The following PCCA variants were observed in gnomAD, a reference collection of about 807,000 sequenced individuals.
The protein encoded by PCCA is propionyl-CoA carboxylase subunit alpha.
A neutral mutation model predicts 101.3 loss-of-function variants in PCCA; 74 were observed. The observed-to-expected ratio is 0.73, with a 90% confidence interval of 0.61 to 0.89. PCCA has a LOEUF of 0.89. PCCA is among the 40% of genes least tolerant of loss of function. The pLI is 0.00. For synonymous variants in PCCA, 294 were observed against 313.6 expected, an observed-to-expected ratio of 0.94 and a Z score of 0.66; for missense variants, 891 against 907.0, an observed-to-expected ratio of 0.98 and a Z score of 0.23.
At chr13:100,295,359 T>A (rs1287476559) in intron 12 of PCCA, among the ~76,000 whole-genome samples, 1 of 152,204 alleles carries the variant, frequency 6.6e-6, no homozygotes, top group Non-Finnish European at 1.5e-5. Context: ...TTTCAGTGGG[T>A]AATCATACTA....
chr13:100,190,752 A>G (rs1271896079), intron 6 of PCCA, among the ~76,000 whole-genome samples: 1 of 152,070 alleles, frequency 6.6e-6, no homozygotes, highest in South Asian at 2.1e-4. Flanking sequence ...GCTTGAGCCT[A>G]GGAGTTTGGG....
chr13:100,121,997 A>C (rs1301084890), intron 4 of PCCA, among the ~76,000 whole-genome samples: 1 of 152,140 alleles, frequency 6.6e-6, no homozygotes, highest in African/African-American at 2.4e-5. Flanking sequence ...ATTTTCATAG[A>C]CTTTCATTAT....
chr13:100,150,779 G>C lies in PCCA; in HGVS notation c.301-4200G>C, dbSNP rs557153236. ...TCTCAAAGCCCCACAGTGGCGTCCA[G>C]CTTGCTCCTCTGCAACGGACTGAAG... On this transcript the variant is annotated intron_variant, in intron 4 of 23. Coordinates refer to ENST00000376285, the MANE Select transcript of PCCA (RefSeq NM_000282.4). 4.4e-6 allele frequency: 7 copies of C among 1,587,106 alleles called. No homozygotes were observed. In the East Asian group the frequency reaches 1.3e-4, roughly 30 times the overall value.
At chr13:100,159,559 G>A (rs1474339890) in intron 6 of PCCA, among the ~76,000 whole-genome samples, 1 of 152,008 alleles carries the variant, frequency 6.6e-6, no homozygotes, top group Non-Finnish European at 1.5e-5. Context: ...TTCACTTCAG[G>A]GAAGAAAATA....
chr13:100,133,738 G>A lies in PCCA; in HGVS notation c.301-21241G>A, dbSNP rs1345501088. 3.9e-5 allele frequency among the ~76,000 whole-genome samples: 6 copies of A among 152,274 alleles called. No homozygotes were observed. The East Asian group carries it at 1.2e-3, about 29-fold the overall frequency. On this transcript the variant is annotated intron_variant, in intron 4 of 23. Coordinates refer to ENST00000376285, the MANE Select transcript of PCCA (RefSeq NM_000282.4). ...TGCAAGGGTGTTACCAAAGGAGGTT[G>A]ACATTTGAGTCAGTGGACTGAGAGA...
At chr13:100,514,079 C>T (rs1221266698) in intron 21 of PCCA, among the ~76,000 whole-genome samples, 1 of 152,208 alleles carries the variant, frequency 6.6e-6, no homozygotes, top group African/African-American at 2.4e-5. Flanking sequence ...TCCCTCACCA[C>T]TTATGACTCA....
intron 19 of PCCA, among the ~76,000 whole-genome samples, chr13:100,421,514 T>C (rs17492046): frequency 0.11 from 16,263 of 152,192 alleles, 1,161 homozygotes; most frequent in Middle Eastern, 0.19. Context: ...CTACAGAATA[T>C]GTATTTATTT....
intron 14 of PCCA, 71 bp downstream of exon 14, chr13:100,303,069 C>A: frequency 1.2e-6 from 1 of 868,790 alleles, no homozygotes; most frequent in Non-Finnish European, 2.0e-6. Flanking sequence ...TATGTTAAAG[C>A]ATGTCAACAC....
chr13:100,385,325 T>C (rs1334198475), intron 19 of PCCA, among the ~76,000 whole-genome samples: 2 of 152,324 alleles, frequency 1.3e-5, no homozygotes, highest in South Asian at 2.1e-4. Flanking sequence ...CTGTCGTAAG[T>C]GAAGCCAACA....
At chr13:100,187,394 T>G (rs1555371602) in intron 6 of PCCA, among the ~76,000 whole-genome samples, 1 of 152,168 alleles carries the variant, frequency 6.6e-6, no homozygotes, top group Non-Finnish European at 1.5e-5. Context: ...GAGAGGTTTT[T>G]GGGCAGATAT....
At chr13:100,263,996 CTG>C (rs2062729154) in intron 10 of PCCA, among the ~76,000 whole-genome samples, 1 of 148,846 alleles carries the variant, frequency 6.7e-6, no homozygotes, top group Non-Finnish European at 1.5e-5. Flanking sequence ...TATACGGTAT[CTG>C]TATATCGTAT....
Position 100,504,050 on chromosome 13 carries a change from G to A in PCCA, c.1900-11377G>A, listed in dbSNP as rs114605566. On this transcript the variant is annotated intron_variant, in intron 21 of 23. Coordinates refer to ENST00000376285, the MANE Select transcript of PCCA (RefSeq NM_000282.4). ...CGAAGGGGAGTGGGATTAGATGTGA[G>A]AGGGTGGATTAGTAAATTGTTTTAC... Among the ~76,000 whole-genome samples, 1,048 of 152,354 alleles carry A rather than the reference G, an allele frequency of 6.9e-3. 14 individuals are homozygous for A. The highest frequency in any genetic ancestry group is 0.024 in the African/African-American group (1,008 of 41,582).
chr13:100,455,592 AC>A (rs1273103729), intron 21 of PCCA, among the ~76,000 whole-genome samples: 1 of 152,094 alleles, frequency 6.6e-6, no homozygotes, highest in African/African-American at 2.4e-5. Context: ...CTAGCCTGCT[AC>A]TCATGGATAA....
chr13:100,383,009 A>G (rs1467623942), intron 19 of PCCA, among the ~76,000 whole-genome samples: 9 of 152,138 alleles, frequency 5.9e-5, no homozygotes, highest in African/African-American at 2.2e-4. Flanking sequence ...AGCTTAGAAC[A>G]TATTTTTTAG....
At chr13:100,354,938 A>G (rs187880491) in intron 18 of PCCA, among the ~76,000 whole-genome samples, 4 of 152,294 alleles carry the variant, frequency 2.6e-5, no homozygotes, top group East Asian at 3.9e-4. Context: ...AATCCTCACA[A>G]ACTCTTCCAA....
At chr13:100,192,708 A>C (rs1388685764) in intron 6 of PCCA, among the ~76,000 whole-genome samples, 2 of 152,172 alleles carry the variant, frequency 1.3e-5, no homozygotes, top group African/African-American at 4.8e-5. Flanking sequence ...AAAAGAAAAG[A>C]ACGGTTTACA....
At chr13:100,351,824 A>T (rs541930146) in intron 18 of PCCA, among the ~76,000 whole-genome samples, 3 of 152,184 alleles carry the variant, frequency 2.0e-5, no homozygotes, top group Non-Finnish European at 4.4e-5. Context: ...AGAACTACCT[A>T]GTCATCTTTT....
chr13:100,440,209 T>TATATATATATAA (rs1348343858), intron 20 of PCCA, among the ~76,000 whole-genome samples: 2 of 107,486 alleles, frequency 1.9e-5, no homozygotes, highest in Non-Finnish European at 1.8e-5. Context: ...TATATATATA[T>TATATATATATAA]AAAACGTGAT....
intron 20 of PCCA, among the ~76,000 whole-genome samples, chr13:100,436,096 T>C (rs1378681589): frequency 6.6e-6 from 1 of 151,484 alleles, no homozygotes; most frequent in African/African-American, 2.4e-5. Context: ...TACTCCACAG[T>C]GTGGGAGCGA....
Sources: allele counts gnomAD v4.1 joint callset (sites outside exome capture counted in the v4.1 genomes callset), GRCh38; gene constraint gnomAD v4.1.1; transcripts MANE v1.5; gene names NCBI Gene and HGNC (gene_info 2026-07-23, HGNC 2026-07-21).